Variants in FBLN7 observed in about 807,000 individuals in gnomAD.
The protein encoded by FBLN7 is fibulin-7.
Under a neutral mutation model 44.0 loss-of-function variants are expected in FBLN7, and 31 were observed. That is an observed-to-expected ratio of 0.70 (90% CI 0.53 to 0.95). The LOEUF is 0.95. Ranked by LOEUF, FBLN7 falls within the 40% of genes least tolerant of loss-of-function variation. The pLI, the probability that FBLN7 is intolerant of heterozygous loss-of-function variation, is 0.00. For synonymous variants in FBLN7, 262 were observed against 253.4 expected (o/e 1.03, Z -0.32); for missense variants, 573 against 618.5 (o/e 0.93, Z 0.78).
At chr2:112,144,771 C>T (rs532421381) in intron 1 of FBLN7, among the ~76,000 whole-genome samples, 5 of 152,106 alleles carry the variant, frequency 3.3e-5, no homozygotes, top group South Asian at 2.1e-4. Flanking sequence ...GTGATCCACC[C>T]GCCTCGGCCT....
At chr2:112,244,013 T>A in the FBLN7 span, among the ~76,000 whole-genome samples, 1 of 134,906 alleles carries the variant, frequency 7.4e-6, no homozygotes, top group East Asian at 1.9e-4. Flanking sequence ...TATCTTGGGA[T>A]ATAAAGAAAA....
the FBLN7 span, chr2:112,234,183 T>C: frequency 3.7e-6 from 6 of 1,611,092 alleles, no homozygotes; most frequent in East Asian, 1.3e-4. Flanking sequence ...CCACTGTATG[T>C]TGGTTGATGA....
chr2:112,210,189 G>C, the FBLN7 span, among the ~76,000 whole-genome samples: 1 of 151,922 alleles, frequency 6.6e-6, no homozygotes, highest in South Asian at 2.1e-4. Flanking sequence ...GCAGGGGCAT[G>C]GCTCGGTATA....
chr2:112,214,948 C>G, the FBLN7 span: 1 of 152,150 alleles, frequency 6.6e-6, no homozygotes, highest in African/African-American at 2.4e-5. Flanking sequence ...TTAACCTACT[C>G]TATTTGACTT....
At chr2:112,200,944 A>G in the FBLN7 span, among the ~76,000 whole-genome samples, 5 of 152,362 alleles carry the variant, frequency 3.3e-5, no homozygotes, top group East Asian at 1.9e-4. Context: ...TTAAATGTCA[A>G]TGATGAATAT....
At chr2:112,138,969 C>T (rs1408867932) in intron 1 of FBLN7, among the ~76,000 whole-genome samples, 1 of 125,594 alleles carries the variant, frequency 8.0e-6, no homozygotes. Flanking sequence ...GCCAGCGTCC[C>T]TCCCGCCTCT....
intron 1 of FBLN7, among the ~76,000 whole-genome samples, chr2:112,146,586 T>A (rs985810331): frequency 2.3e-4 from 35 of 150,392 alleles, no homozygotes; most frequent in East Asian, 5.8e-4. Flanking sequence ...TTTTTTTTTT[T>A]AAATTCATTT....
chr2:112,230,681 C>A, the FBLN7 span: 1 of 214,876 alleles, frequency 4.7e-6, no homozygotes, highest in Non-Finnish European at 9.2e-6. Context: ...CAAAGAAACA[C>A]AAGAGGAGAA....
the FBLN7 span, among the ~76,000 whole-genome samples, chr2:112,220,848 T>C: frequency 1.3e-5 from 2 of 152,154 alleles, no homozygotes; most frequent in African/African-American, 2.4e-5. Context: ...GATCCCTTTG[T>C]AGGTGACCTG....
At chr2:112,160,718 ACGCGCACACG>A (rs1558879787) in intron 2 of FBLN7, among the ~76,000 whole-genome samples, 2 of 139,872 alleles carry the variant, frequency 1.4e-5, no homozygotes, top group African/African-American at 2.7e-5. Flanking sequence ...ACACACAAGC[ACGCGCACACG>A]CACGCACACG....
At chr2:112,154,792 A>G (rs549273092) in intron 1 of FBLN7, among the ~76,000 whole-genome samples, 5 of 152,170 alleles carry the variant, frequency 3.3e-5, no homozygotes, top group Non-Finnish European at 7.4e-5. Context: ...TGGGAGGGGA[A>G]TGGCAGACAA....
the FBLN7 span, among the ~76,000 whole-genome samples, chr2:112,239,504 AAAAC>A: frequency 1.4e-4 from 21 of 152,258 alleles, no homozygotes; most frequent in East Asian, 3.7e-3. Flanking sequence ...AAGCAAACTC[AAAAC>A]AAACAGACAA....
At chr2:112,139,999 G>A (rs1280353947) in intron 1 of FBLN7, among the ~76,000 whole-genome samples, 1 of 77,418 alleles carries the variant, frequency 1.3e-5, no homozygotes, top group Admixed American at 1.3e-4. Flanking sequence ...CGTCCCTCCC[G>A]CCTCTCTCCA....
At chr2:112,142,869 G>A (rs925161829) in intron 1 of FBLN7, among the ~76,000 whole-genome samples, 6 of 151,428 alleles carry the variant, frequency 4.0e-5, no homozygotes, top group Non-Finnish European at 5.9e-5. Context: ...ATCTGTCTGC[G>A]TGAGTGATTG....
chr2:112,244,304 G>A, the FBLN7 span, among the ~76,000 whole-genome samples: 1 of 151,972 alleles, frequency 6.6e-6, no homozygotes, highest in Non-Finnish European at 1.5e-5. Context: ...TCAACAATGA[G>A]GTAAATTCAA....
intron 1 of FBLN7, among the ~76,000 whole-genome samples, chr2:112,140,712 T>C (rs1319242960): frequency 6.6e-6 from 1 of 152,166 alleles, no homozygotes; most frequent in Non-Finnish European, 1.5e-5. Context: ...AACTCCGACA[T>C]TTAAATTTCC....
At position 112,187,652 on chromosome 2, in the gene FBLN7, C is replaced by A; in HGVS notation, c.*146C>A. The A allele has an allele frequency of 9.2e-7, 1 of 1,086,422 alleles. No individual in the cohort carries two copies. The highest frequency in any genetic ancestry group is 1.3e-6 in the Non-Finnish European group (1 of 757,322). 67.3% of individuals were successfully genotyped at this position (1,086,422 alleles called of 1,614,324 possible). ...AGGCTTCTAGGGCAGCGTTGCACGG[C>A]GCCCCATGGAATAGCACGGAAGAGC... is the stretch of plus-strand genomic sequence containing the variant. On this transcript the variant is annotated 3_prime_UTR_variant, in exon 8 of 8. Transcript: ENST00000331203. This position sits in a 1 kb window ranked among gnomAD's most constrained non-coding sequence, Gnocchi z 5.1.
rs111873244 is a variant in FBLN7 at position 112,187,516 on chromosome 2, G to A, written c.*10G>A. On this transcript the variant is annotated 3_prime_UTR_variant, in exon 8 of 8. Coordinates refer to ENST00000331203, the MANE Select transcript of FBLN7 (RefSeq NM_153214.3). The surrounding 1 kb of genome is among the most constrained non-coding windows in gnomAD (Gnocchi z 5.1). ...CCCCTATGACTTCTGAGGGTACACA[G>A]GGGCACTGGGGTGTGGAGAGCTGAC... is the stretch of plus-strand genomic sequence containing the variant. 8.1e-6 allele frequency: 13 copies of A among 1,612,648 alleles called. No homozygotes were observed. The highest frequency in any genetic ancestry group is 5.3e-5 in the African/African-American group (4 of 75,012).
intron 2 of FBLN7, among the ~76,000 whole-genome samples, chr2:112,160,747 C>CACGCACACACACGCACACACAA (rs2104566007): frequency 1.1e-5 from 1 of 93,286 alleles, no homozygotes; most frequent in East Asian, 2.3e-4. Context: ...CGCACACACG[C>CACGCACACACACGCACACACAA]GCACGCACAC....
Sources: gnomAD v4.1 joint callset for allele counts (sites outside exome capture counted in the v4.1 genomes callset) on GRCh38, gnomAD v4.1.1 for gene constraint, Gnocchi (gnomAD v3.1) non-coding constraint, MANE v1.5 for transcripts, NCBI Gene and HGNC (gene_info 2026-07-23, HGNC 2026-07-21) for gene names.